Variants in TMEM114 observed in about 807,000 individuals in gnomAD.
TMEM114 encodes claudin-26.
TMEM114 carries 6 observed loss-of-function variants against 6.2 expected under a neutral mutation model. The observed-to-expected ratio is 0.97, with a 90% CI of 0.53 to 1.91. The LOEUF (loss-of-function observed/expected upper bound fraction) is 1.91. TMEM114 is among the 40% of genes most tolerant of loss of function. The pLI, the probability that TMEM114 is intolerant of heterozygous loss-of-function variation, is 0.01. For missense variants in TMEM114, 218 were observed against 158.3 expected (o/e 1.38, Z -2.02); for synonymous variants, 104 against 73.0 (o/e 1.42, Z -2.16).
intron 2 of TMEM114, among the ~76,000 whole-genome samples, chr16:8,553,880 T>G (rs1033237249): frequency 1.8e-4 from 25 of 140,220 alleles, no homozygotes; most frequent in Non-Finnish European, 3.0e-4. Context: ...TTCCTTTTCT[T>G]TTTTTTTTTT....
chr16:8,564,220 A>T, intron 2 of TMEM114, among the ~76,000 whole-genome samples: 1 of 28,278 alleles, frequency 3.5e-5, no homozygotes, highest in East Asian at 1.2e-3. Flanking sequence ...TGAGTGAGTT[A>T]GTGAATGAGT....
chr16:8,548,602 C>A (rs1026844452), intron 2 of TMEM114, among the ~76,000 whole-genome samples: 1 of 151,746 alleles, frequency 6.6e-6, no homozygotes, highest in African/African-American at 2.4e-5. Context: ...CTTTTTCACC[C>A]CCTAAGAGCA....
chr16:8,590,042 GC>G lies in TMEM114; in HGVS notation c.-205del. 2.6e-6 allele frequency: 1 copy of G among 379,158 alleles called. No homozygotes were observed. The highest frequency in any genetic ancestry group is 4.7e-6 in the Non-Finnish European group (1 of 214,510). The allele number at this position is 379,158 out of a possible 1,614,324, so 23.5% of individuals were successfully genotyped here. ...CACCTGCCGGCTCCGACCTGCACGCGCCCCCCGCTCAGCCGCCGTCCACGTT... is the reference window on the plus strand; with the variant it reads ...CACCTGCCGGCTCCGACCTGCACGCGCCCCCGCTCAGCCGCCGTCCACGTT... On this transcript the variant is annotated 5_prime_UTR_variant, in exon 1 of 4. Transcript: ENST00000620492.
intron 2 of TMEM114, among the ~76,000 whole-genome samples, chr16:8,559,274 C>G (rs946778672): frequency 4.6e-5 from 7 of 151,864 alleles, no homozygotes; most frequent in Admixed American, 3.3e-4. Context: ...AACTCATAAC[C>G]TCAAGTGATC....
At chr16:8,558,933 C>G (rs190148745) in intron 2 of TMEM114, among the ~76,000 whole-genome samples, 216 of 150,804 alleles carry the variant, frequency 1.4e-3, no homozygotes, top group African/African-American at 4.3e-3. Context: ...TTAGTAGAGA[C>G]GGGGTTTCAC....
intron 2 of TMEM114, among the ~76,000 whole-genome samples, chr16:8,551,844 G>A (rs1204522686): frequency 6.6e-6 from 1 of 152,152 alleles, no homozygotes; most frequent in Non-Finnish European, 1.5e-5. Flanking sequence ...CCACCCAAAT[G>A]TCCTTCACTA....
At chr16:8,573,140 T>G (rs553248935) in intron 2 of TMEM114, among the ~76,000 whole-genome samples, 86 of 152,268 alleles carry the variant, frequency 5.6e-4, no homozygotes, top group African/African-American at 1.9e-3. Flanking sequence ...AAAAGCTTTT[T>G]GGGGGAGCAG....
At chr16:8,533,573 C>T (rs1900276201), downstream of TMEM114, among the ~76,000 whole-genome samples, 2 of 152,122 alleles carry the variant, frequency 1.3e-5, no homozygotes, top group Non-Finnish European at 2.9e-5. Context: ...ATGATCTGGT[C>T]CAGAGCTTTA....
downstream of TMEM114, among the ~76,000 whole-genome samples, chr16:8,567,808 A>T (rs1034729025): frequency 6.6e-6 from 1 of 152,154 alleles, no homozygotes; most frequent in East Asian, 1.9e-4. Flanking sequence ...GTTCCACAAT[A>T]CGACCAGCAG....
intron 2 of TMEM114, among the ~76,000 whole-genome samples, chr16:8,580,325 A>G (rs1429108059): frequency 6.6e-6 from 1 of 152,038 alleles, no homozygotes; most frequent in Non-Finnish European, 1.5e-5. Flanking sequence ...CGTCTCTACT[A>G]AAAATACAAA....
At chr16:8,561,888 GTGAA>G (rs2081176210) in intron 2 of TMEM114, among the ~76,000 whole-genome samples, 2 of 142,650 alleles carry the variant, frequency 1.4e-5, no homozygotes, top group African/African-American at 4.9e-5. Flanking sequence ...GAATGAGTGA[GTGAA>G]TGAGTAAATG....
At chr16:8,536,438 T>A (rs1000239569), downstream of TMEM114, among the ~76,000 whole-genome samples, 16 of 152,144 alleles carry the variant, frequency 1.1e-4, no homozygotes, top group Admixed American at 9.2e-4. Flanking sequence ...ATGAGAAGGT[T>A]GACTTGAGTG....
chr16:8,565,152 T>TG (rs1223208844), downstream of TMEM114, among the ~76,000 whole-genome samples: 1 of 151,868 alleles, frequency 6.6e-6, no homozygotes, highest in Non-Finnish European at 1.5e-5. Context: ...TAATGATGGA[T>TG]GGGTGGATGG....
chr16:8,562,673 GGAAT>G (rs1901299129), intron 2 of TMEM114, among the ~76,000 whole-genome samples: 1 of 138,416 alleles, frequency 7.2e-6, no homozygotes, highest in African/African-American at 2.8e-5. Flanking sequence ...AATTAGTGAG[GGAAT>G]GAGTGAGTGA....
chr16:8,572,224 G>C lies in TMEM114; in HGVS notation c.302C>G (p.Thr101Ser), dbSNP rs1444925079. 14 of 1,551,490 alleles carry C rather than the reference G, an allele frequency of 9.0e-6. No individual in the cohort carries two copies. Among genetic ancestry groups the C allele is most frequent in the Non-Finnish European group, 1.1e-5 (13 of 1,147,000 alleles). ...CAGAATCACAAATGTCCCATGCATG[G>C]CTTAGAAGAGACAGAGAGGATACCA... is the stretch of plus-strand genomic sequence containing the variant. ...TVSESSRQLL[T>S]MHGTFVILLP... Residue 101 changes from threonine to serine, a missense_variant and splice_region_variant, in exon 3 of 4, where the codon ACC (threonine) becomes AGC (serine). By Grantham distance (58) the Thr-to-Ser change is moderately conservative. Transcript: ENST00000620492.
chr16:8,557,391 C>A (rs1901048746), intron 2 of TMEM114, among the ~76,000 whole-genome samples: 1 of 152,064 alleles, frequency 6.6e-6, no homozygotes, highest in Non-Finnish European at 1.5e-5. Flanking sequence ...ATGGAAAGGC[C>A]CCGAGATGAT....
chr16:8,543,108 G>A (rs1196251651), intron 2 of TMEM114, among the ~76,000 whole-genome samples: 1 of 152,126 alleles, frequency 6.6e-6, no homozygotes, highest in Non-Finnish European at 1.5e-5. Context: ...CATAATTGAT[G>A]TCAGTTCAGA....
intron 2 of TMEM114, among the ~76,000 whole-genome samples, chr16:8,576,742 G>GGAAGGAAGGAAGGAAGGAAGGAAGGAAA (rs1901948145): frequency 6.6e-6 from 1 of 150,456 alleles, no homozygotes; most frequent in African/African-American, 2.4e-5. Flanking sequence ...AAGGAAGGAA[G>GGAAGGAAGGAAGGAAGGAAGGAAGGAAA]GAAGGAAGGA....
At chr16:8,586,790 A>G (rs933012190) in intron 2 of TMEM114, among the ~76,000 whole-genome samples, 2 of 152,122 alleles carry the variant, frequency 1.3e-5, no homozygotes, top group African/African-American at 4.8e-5. Context: ...GATTACAGAC[A>G]TGAGCCACCA....
Sources: allele counts gnomAD v4.1 joint callset (sites outside exome capture counted in the v4.1 genomes callset), GRCh38; gene constraint gnomAD v4.1.1; transcripts MANE v1.5; gene names NCBI Gene and HGNC (gene_info 2026-07-23, HGNC 2026-07-21).